Variants in PNPO observed in about 807,000 individuals in gnomAD.
PNPO encodes pyridoxine-5'-phosphate oxidase.
Under a neutral mutation model 35.0 loss-of-function variants are expected in PNPO, and 39 were observed. The ratio of observed to expected loss-of-function variants is 1.11; its 90% CI spans 0.86 to 1.45. The LOEUF (loss-of-function observed/expected upper bound fraction) is 1.45, where lower values mean the gene tolerates loss of function less well. PNPO is among the 40% of genes most tolerant of loss of function. The probability of loss-of-function intolerance (pLI) is 0.00; values close to 1 mark genes in which losing one functional copy is unlikely to be tolerated. For synonymous variants in PNPO, 115 were observed against 119.8 expected, an observed-to-expected ratio of 0.96 and a Z score of 0.26; for missense variants, 288 against 340.0, an observed-to-expected ratio of 0.85 and a Z score of 1.20.
chr17:47,946,641 G>A lies in PNPO; in HGVS notation c.645G>A (p.Val215=), dbSNP rs1567714119. Residue 215 remains valine (V), a synonymous_variant, in exon 7 of 7, where the codon GTG becomes GTA. Transcript: ENST00000642017. ...SWGGYVLYPQ[V]MEFWQGQTNR... ...GTGGCTATGTCCTGTACCCTCAGGT[G>A]ATGGAGTTCTGGCAAGGTCAAACCA... 4 of 1,614,234 alleles carry A rather than the reference G, an allele frequency of 2.5e-6. No individual in the cohort carries two copies. Among genetic ancestry groups the A allele is most frequent in the Non-Finnish European group, 3.4e-6 (4 of 1,180,024 alleles).
chr17:47,946,129 G>A (rs556862170), intron 5 of PNPO, 140 bp downstream of exon 5: 24 of 1,245,738 alleles, frequency 1.9e-5, no homozygotes, highest in African/African-American at 1.5e-5. Context: ...AAAGGACAGT[G>A]AGAAGGGAAA....
chr17:47,941,765 T>G lies in PNPO; in HGVS notation c.90T>G (p.Ala30=). Residue 30 remains alanine (A), a synonymous_variant, in exon 1 of 7, where the codon GCT becomes GCG. Transcript: ENST00000642017. ...TCAGTCACCTGTGTGGTCGCAGTGC[T>G]GCCATGGACCTGGGACCCATGCGCA... is the stretch of plus-strand genomic sequence containing the variant. The part of the protein sequence containing the change: ...GYLSHLCGRS[A]AMDLGPMRKS... 6.4e-7 allele frequency: 1 copy of G among 1,565,402 alleles called. No individual in the cohort carries two copies. The highest frequency in any genetic ancestry group is 8.7e-7 in the Non-Finnish European group (1 of 1,154,804).
chr17:47,946,053 C>A, intron 5 of PNPO, 64 bp downstream of exon 5: 1 of 1,592,524 alleles, frequency 6.3e-7, no homozygotes, highest in African/African-American at 1.3e-5. Flanking sequence ...CAGAAGCTGT[C>A]CCCAGGAGAT....
rs1886798525 is a variant in PNPO at position 47,947,982 on chromosome 17, G to C, written c.*1200G>C. 1 of 152,298 alleles carries C rather than the reference G, an allele frequency of 6.6e-6. No individual in the cohort carries two copies. The highest frequency in any genetic ancestry group is 2.1e-4 in the South Asian group (1 of 4,822). The allele number at this position is 152,298 out of a possible 1,614,324, so 9.4% of individuals were successfully genotyped here. A position where few individuals can be genotyped will look rare whatever the true frequency, so the allele number is the denominator to read the frequency against. ...TATAGCACTTCCCCTACTGATTGCTGCCTTCTCTGTGGCTACAAGGGACCC... is the reference window on the plus strand; with the variant it reads ...TATAGCACTTCCCCTACTGATTGCTCCCTTCTCTGTGGCTACAAGGGACCC... On this transcript the variant is annotated 3_prime_UTR_variant, in exon 7 of 7. Coordinates refer to ENST00000642017, the MANE Select transcript of PNPO (RefSeq NM_018129.4).
intron 2 of PNPO, 48 bp downstream of exon 2, chr17:47,943,478 G>A (rs775571035): frequency 1.1e-5 from 18 of 1,605,560 alleles, no homozygotes; most frequent in African/African-American, 6.7e-5. Context: ...TATGAACTAG[G>A]AAGCTTATGA....
intron 2 of PNPO, among the ~76,000 whole-genome samples, chr17:47,944,133 T>G (rs1165768536): frequency 6.6e-6 from 1 of 151,972 alleles, no homozygotes. Context: ...TCAGGGGTGG[T>G]TTCTGATGAG....
At position 47,945,323 on chromosome 17, in the gene PNPO, T is replaced by C. The variant is rs978703756; in HGVS notation, c.364-236T>C. The stretch of plus-strand genomic sequence containing the variant: ...TGAGAGAAATCACCCAGTCTCACTT[T>C]GGAGTCCGACTGGCTTAAACTTAGC... On this transcript the variant is annotated intron_variant, in intron 3 of 6. Coordinates refer to ENST00000642017, the MANE Select transcript of PNPO (RefSeq NM_018129.4). The surrounding 1 kb of genome is among the most constrained non-coding windows in gnomAD (Gnocchi z 4.0). The C allele has an allele frequency of 5.0e-5, 27 of 539,400 alleles. No homozygotes were observed. The highest frequency in any genetic ancestry group is 4.8e-4 in the African/African-American group (25 of 52,444). The allele number at this position is 539,400 out of a possible 1,614,324, so 33.4% of individuals were successfully genotyped here.
At position 47,947,077 on chromosome 17, in the gene PNPO, G is replaced by A; in HGVS notation, c.*295G>A. The stretch of plus-strand genomic sequence containing the variant: ...GCTCCCTCTAGGGGTAGCAGCCGGT[G>A]TGACTCCCTTTCTGGTGACAGACAG... On this transcript the variant is annotated 3_prime_UTR_variant, in exon 7 of 7. Coordinates refer to ENST00000642017, the MANE Select transcript of PNPO (RefSeq NM_018129.4). The A allele has an allele frequency of 5.1e-6, 2 of 393,118 alleles. No individual in the cohort carries two copies. Among genetic ancestry groups the A allele is most frequent in the East Asian group, 1.1e-4 (2 of 18,450 alleles). The allele number at this position is 393,118 out of a possible 1,614,324, so 24.4% of individuals were successfully genotyped here.
In PNPO at chr17:47,944,447, G is replaced by A. The variant is rs191107529; in HGVS notation, c.264-169G>A. Among the ~76,000 whole-genome samples the A allele has an allele frequency of 2.8e-4, 42 of 152,188 alleles. 1 individual carries two copies. Among genetic ancestry groups the A allele is most frequent in the African/African-American group, 7.9e-4 (33 of 41,514 alleles). On this transcript the variant is annotated intron_variant, in intron 2 of 6. Coordinates refer to ENST00000642017, the MANE Select transcript of PNPO (RefSeq NM_018129.4). ...GCCCATAACAGGGCCCCAGGCTGTG[G>A]TGTCATACCTCTAGGACAAATCCCC...
At position 47,947,425 on chromosome 17, in the gene PNPO, CTT is replaced by C. The variant is rs35312568; in HGVS notation, c.*656_*657del. On this transcript the variant is annotated 3_prime_UTR_variant, in exon 7 of 7. Coordinates refer to ENST00000642017, the MANE Select transcript of PNPO (RefSeq NM_018129.4). ...CTATCTCTGTAAAGTCTCTCTCTCT[CTT>C]TTTTTTTTTTTTACTTAATCTAGCT... The C allele has an allele frequency of 4.2e-5, 6 of 141,832 alleles. No individual in the cohort carries two copies. The highest frequency in any genetic ancestry group is 2.2e-4 in the South Asian group (1 of 4,528). The allele number at this position is 141,832 out of a possible 1,614,324, so 8.8% of individuals were successfully genotyped here.
chr17:47,945,898 A>G lies in PNPO; in HGVS notation c.455A>G (p.Glu152Gly). 1 of 1,613,866 alleles carries G rather than the reference A, an allele frequency of 6.2e-7. No homozygotes were observed. The highest frequency in any genetic ancestry group is 8.5e-7 in the Non-Finnish European group (1 of 1,180,018). The change falls in exon 5 of 7, where the codon GAG (glutamate) becomes GGG (glycine). Residue 152 changes from glutamate to glycine, a missense_variant. Coordinates refer to ENST00000642017, the MANE Select transcript of PNPO (RefSeq NM_018129.4). This position sits in a 1 kb window ranked among gnomAD's most constrained non-coding sequence, Gnocchi z 4.0. ...GGCCCTGTGAAGAAACTGCCTGAGG[A>G]GGAGGCTGAGTGCTACTTCCACTCC... ...VEGPVKKLPEEEAECYFHSRP... is the reference protein window; with the variant it reads ...VEGPVKKLPEGEAECYFHSRP...
Position 47,946,632 on chromosome 17 carries a change from C to G in PNPO, c.636C>G (p.Tyr212Ter). ...CTTATAGGGGTGGCTATGTCCTGTACCCTCAGGTGATGGAGTTCTGGCAAG... is the reference window on the plus strand; with the variant it reads ...CTTATAGGGGTGGCTATGTCCTGTAGCCTCAGGTGATGGAGTTCTGGCAAG... ...KPKSWGGYVL[Y>*]PQVMEFWQGQ... The change falls in exon 7 of 7, where the codon TAC becomes TAG. Residue 212 changes from tyrosine to a stop codon, truncating the protein, a stop_gained. Coordinates refer to ENST00000642017, the MANE Select transcript of PNPO (RefSeq NM_018129.4). LOFTEE classifies it high-confidence loss of function. The G allele has an allele frequency of 6.2e-7, 1 of 1,614,172 alleles. No individual in the cohort carries two copies. Among genetic ancestry groups the G allele is most frequent in the Non-Finnish European group, 8.5e-7 (1 of 1,180,020 alleles).
intron 3 of PNPO, 91 bp downstream of exon 3, chr17:47,944,806 A>C: frequency 1.0e-6 from 1 of 985,346 alleles, no homozygotes; most frequent in Non-Finnish European, 1.6e-6. Context: ...CCACCCCCCC[A>C]GTCTACTTGC....
In PNPO at chr17:47,946,000, C is replaced by T. The variant is rs769774852; in HGVS notation, c.546+11C>T. 1 of 1,613,570 alleles carries T rather than the reference C, an allele frequency of 6.2e-7. No individual in the cohort carries two copies. Among genetic ancestry groups the T allele is most frequent in the South Asian group, 1.1e-5 (1 of 91,064 alleles). ...ATCCCTGATCGGGAGGTGAGTGGAG[C>T]TCCGCTGTAGTCCTCCAGGTGGTGG... On this transcript the variant is annotated intron_variant, in intron 5 of 6. Coordinates refer to ENST00000642017, the MANE Select transcript of PNPO (RefSeq NM_018129.4). The surrounding 1 kb of genome is among the most constrained non-coding windows in gnomAD (Gnocchi z 4.0).
chr17:47,942,431 G>A (rs2035951763), intron 1 of PNPO, among the ~76,000 whole-genome samples: 1 of 152,216 alleles, frequency 6.6e-6, no homozygotes, highest in Non-Finnish European at 1.5e-5. Context: ...CCTTGTGCCA[G>A]GTGGGCATGG....
At position 47,945,142 on chromosome 17, in the gene PNPO, C is replaced by T. The variant is rs1245770893; in HGVS notation, c.364-417C>T. On this transcript the variant is annotated intron_variant, in intron 3 of 6. Transcript: ENST00000642017. The surrounding 1 kb of genome is among the most constrained non-coding windows in gnomAD (Gnocchi z 4.0). ...GTAAGCTCTGTAGGAGTGGAGGCTG[C>T]TCTGTTTTATCTCTGCTGTATCCCC... 4 of 377,534 alleles carry T rather than the reference C, an allele frequency of 1.1e-5. No individual in the cohort carries two copies. Among genetic ancestry groups the T allele is most frequent in the Non-Finnish European group, 2.0e-5 (4 of 198,150 alleles). 23.4% of individuals were successfully genotyped at this position (377,534 alleles called of 1,614,324 possible).
rs151112202 is a variant in PNPO, at chr17:47,943,314, G to A, written c.147G>A (p.Glu49=). 24 of 1,613,406 alleles carry A rather than the reference G, an allele frequency of 1.5e-5. No individual in the cohort carries two copies. In the African/African-American group the frequency reaches 2.4e-4, roughly 16 times the overall value. The stretch of plus-strand genomic sequence containing the variant: ...TAAATCTCCTTTCCTAGGCATTTGA[G>A]GAGACTCATCTGACCTCCCTTGACC... ...KSYRGDREAF[E]ETHLTSLDPV... Residue 49 remains glutamate (E), a synonymous_variant, in exon 2 of 7, where the codon GAG becomes GAA. Coordinates refer to ENST00000642017, the MANE Select transcript of PNPO (RefSeq NM_018129.4).
rs796052871 is a variant in PNPO at position 47,941,764 on chromosome 17, C to T, written c.89C>T (p.Ala30Val). 1.9e-6 allele frequency: 3 copies of T among 1,564,658 alleles called. No individual in the cohort carries two copies. The Admixed American group carries it at 5.6e-5, about 29-fold the overall frequency. Residue 30 changes from alanine (A) to valine (V), a missense_variant, in exon 1 of 7, where the codon GCT becomes GTT. Transcript: ENST00000642017. The stretch of plus-strand genomic sequence containing the variant: ...CTCAGTCACCTGTGTGGTCGCAGTG[C>T]TGCCATGGACCTGGGACCCATGCGC... ...GYLSHLCGRS[A>V]AMDLGPMRKS... is the part of the protein sequence containing the mutation.
At position 47,945,281 on chromosome 17, in the gene PNPO, ACT is replaced by A. The variant is rs968204069; in HGVS notation, c.364-276_364-275del. Reference sequence around the variant, plus strand: ...GCCAGCCAAGCATGCATTTCTCAAGACTCACAAATCTGTGGGTGAGAGAAATC... The same window carrying A: ...GCCAGCCAAGCATGCATTTCTCAAGACACAAATCTGTGGGTGAGAGAAATC... On this transcript the variant is annotated intron_variant, in intron 3 of 6. Coordinates refer to ENST00000642017, the MANE Select transcript of PNPO (RefSeq NM_018129.4). The surrounding 1 kb of genome is among the most constrained non-coding windows in gnomAD (Gnocchi z 4.0). 1 of 476,080 alleles carries A rather than the reference ACT, an allele frequency of 2.1e-6. No individual in the cohort carries two copies. The highest frequency in any genetic ancestry group is 2.0e-5 in the African/African-American group (1 of 50,766). The allele number at this position is 476,080 out of a possible 1,614,324, so 29.5% of individuals were successfully genotyped here.
Sources: allele counts gnomAD v4.1 joint callset (sites outside exome capture counted in the v4.1 genomes callset), GRCh38; gene constraint gnomAD v4.1.1; non-coding constraint Gnocchi (gnomAD v3.1); transcripts MANE v1.5; gene names NCBI Gene and HGNC (gene_info 2026-07-23, HGNC 2026-07-21).